Variants in ATP6V0D2 observed in about 807,000 individuals in gnomAD.
The protein encoded by ATP6V0D2 is ATPase H+ transporting V0 subunit d2.
A neutral mutation model predicts 40.0 loss-of-function variants in ATP6V0D2; 40 were observed. The ratio of observed to expected loss-of-function variants is 1.00; its 90% confidence interval spans 0.78 to 1.30. ATP6V0D2 has a LOEUF of 1.30. Among genes scored for constraint, ATP6V0D2 ranks in the 50% most tolerant of loss-of-function variants. ATP6V0D2 has a pLI of 0.00. For synonymous variants in ATP6V0D2, 179 were observed against 156.3 expected (o/e 1.15, Z -1.08); for missense variants, 470 against 423.1 (o/e 1.11, Z -0.97).
At chr8:86,101,462 GAAAAA>G (rs59915079) in intron 1 of ATP6V0D2, among the ~76,000 whole-genome samples, 922 of 78,182 alleles carry the variant, frequency 0.012, 11 homozygotes, top group African/African-American at 0.038. Context: ...CCTGTCTCAG[GAAAAA>G]AAAAAAAAAA....
At chr8:86,145,233 A>AAGAAAGAGAG (rs1554589869) in intron 5 of ATP6V0D2, among the ~76,000 whole-genome samples, 14 of 38,472 alleles carry the variant, frequency 3.6e-4, no homozygotes, top group Admixed American at 1.6e-3. Flanking sequence ...GAAAGAAAGA[A>AAGAAAGAGAG]AGAGAGAGAG....
intron 2 of ATP6V0D2, among the ~76,000 whole-genome samples, chr8:86,137,361 C>G (rs1190098346): frequency 6.6e-6 from 1 of 152,184 alleles, no homozygotes. Context: ...CTTCCCCCAT[C>G]TAGTCATCCC....
At chr8:86,146,204 T>C (rs1819066104) in intron 5 of ATP6V0D2, among the ~76,000 whole-genome samples, 1 of 152,198 alleles carries the variant, frequency 6.6e-6, no homozygotes, top group Non-Finnish European at 1.5e-5. Flanking sequence ...AAGAATTACA[T>C]CTTTGAATAG....
intron 1 of ATP6V0D2, among the ~76,000 whole-genome samples, chr8:86,106,538 C>A (rs754472442): frequency 6.6e-6 from 1 of 152,184 alleles, no homozygotes; most frequent in African/African-American, 2.4e-5. Flanking sequence ...TAACAATACA[C>A]CCCTGCACTG....
intron 4 of ATP6V0D2, 133 bp from the exon 5 acceptor site, chr8:86,142,744 T>C (rs1016724279): frequency 1.9e-6 from 1 of 527,406 alleles, no homozygotes; most frequent in Non-Finnish European, 3.2e-6. Context: ...AAATTTATTA[T>C]AAAATATCTT....
Position 86,107,452 on chromosome 8 carries a change from A to G in ATP6V0D2, c.131-6257A>G, listed in dbSNP as rs1253625999. Among the ~76,000 whole-genome samples, 5 of 152,320 alleles carry G rather than the reference A, an allele frequency of 3.3e-5. No individual in the cohort carries two copies. The South Asian group carries it at 1.0e-3, about 32-fold the overall frequency. On this transcript the variant is annotated intron_variant, in intron 1 of 7. Coordinates refer to ENST00000285393, the MANE Select transcript of ATP6V0D2 (RefSeq NM_152565.1). ...TGAATGAGGACAAGAGTCAGGTATG[A>G]TTCTCAGTTAACTACTTGCCAGCGT...
In ATP6V0D2 at chr8:86,098,935, C is replaced by T; in HGVS notation, c.-44C>T. 1 of 1,604,056 alleles carries T rather than the reference C, an allele frequency of 6.2e-7. No homozygotes were observed. The highest frequency in any genetic ancestry group is 8.5e-7 in the Non-Finnish European group (1 of 1,175,578). On this transcript the variant is annotated 5_prime_UTR_variant, in exon 1 of 8. Coordinates refer to ENST00000285393, the MANE Select transcript of ATP6V0D2 (RefSeq NM_152565.1). ...GCAAATCTTCAGGGGCCGTCCAGGACTACAGAGCTGTTTCACCCTACCTTG... is the reference window on the plus strand; with the variant it reads ...GCAAATCTTCAGGGGCCGTCCAGGATTACAGAGCTGTTTCACCCTACCTTG...
intron 2 of ATP6V0D2, among the ~76,000 whole-genome samples, chr8:86,119,304 C>T: frequency 7.0e-6 from 1 of 141,878 alleles, no homozygotes; most frequent in South Asian, 2.2e-4. Context: ...TCTCGGCTTA[C>T]TGCAAGCTCC....
At position 86,099,007 on chromosome 8, in the gene ATP6V0D2, A is replaced by G. The variant is rs757214740; in HGVS notation, c.29A>G (p.Asn10Ser). 4 of 1,614,130 alleles carry G rather than the reference A, an allele frequency of 2.5e-6. No homozygotes were observed. Among genetic ancestry groups the G allele is most frequent in the Non-Finnish European group, 3.4e-6 (4 of 1,180,020 alleles). ...CTCGAAGGTGCGGAGCTGTACTTCAACGTGGACCATGGCTACCTGGAGGGC... is the reference window on the plus strand; with the variant it reads ...CTCGAAGGTGCGGAGCTGTACTTCAGCGTGGACCATGGCTACCTGGAGGGC... MLEGAELYF[N>S]VDHGYLEGLV... is the part of the protein sequence containing the mutation. Residue 10 changes from asparagine (N) to serine (S), a missense_variant, in exon 1 of 8, where the codon AAC becomes AGC. Physicochemically the swap from Asn to Ser is conservative, Grantham distance 46. Transcript: ENST00000285393.
intron 2 of ATP6V0D2, among the ~76,000 whole-genome samples, chr8:86,115,438 G>A (rs1262102702): frequency 7.7e-6 from 1 of 129,580 alleles, no homozygotes; most frequent in African/African-American, 2.9e-5. Flanking sequence ...GCGTGATCTC[G>A]GCTCACTGCA....
chr8:86,149,117 T>G, intron 5 of ATP6V0D2, among the ~76,000 whole-genome samples: 2 of 134,842 alleles, frequency 1.5e-5, no homozygotes, highest in African/African-American at 2.9e-5. Flanking sequence ...GATTTTAGAG[T>G]GTAGTGGGGA....
chr8:86,150,050 A>C (rs763201900), intron 5 of ATP6V0D2, 62 bp from the exon 6 acceptor site: 2 of 1,457,992 alleles, frequency 1.4e-6, no homozygotes, highest in Non-Finnish European at 1.9e-6. Context: ...TGTGCACTTA[A>C]GAGTCTGTTT....
chr8:86,142,708 C>T (rs1203844152), intron 4 of ATP6V0D2, among the ~76,000 whole-genome samples, 169 bp from the exon 5 acceptor site: 2 of 152,174 alleles, frequency 1.3e-5, no homozygotes, highest in African/African-American at 2.4e-5. Context: ...GACTGTGCAA[C>T]ATGCTGCAAT....
At chr8:86,138,085 A>G (rs1044981412) in intron 2 of ATP6V0D2, among the ~76,000 whole-genome samples, 1 of 152,146 alleles carries the variant, frequency 6.6e-6, no homozygotes, top group Non-Finnish European at 1.5e-5. Flanking sequence ...TCGGGGCCCA[A>G]CATGCTCAGC....
intron 2 of ATP6V0D2, among the ~76,000 whole-genome samples, chr8:86,134,561 G>A (rs1055696939): frequency 6.6e-6 from 1 of 152,090 alleles, no homozygotes; most frequent in African/African-American, 2.4e-5. Flanking sequence ...AAGAAGTAAA[G>A]TTTTTAAAAC....
At chr8:86,118,374 G>A (rs1028309400) in intron 2 of ATP6V0D2, among the ~76,000 whole-genome samples, 1 of 151,760 alleles carries the variant, frequency 6.6e-6, no homozygotes, top group East Asian at 1.9e-4. Context: ...GCGCCTGTCC[G>A]CAGAGTATTT....
At position 86,113,399 on chromosome 8, in the gene ATP6V0D2, G is replaced by A. The variant is rs73257335; in HGVS notation, c.131-310G>A. ...TGGGAGGCTGAAGCAGGAAAATTGC[G>A]CGAACCCAAGAGGCAGAGGTTGCCG... On this transcript the variant is annotated intron_variant, in intron 1 of 7. Transcript: ENST00000285393. 0.02 allele frequency among the ~76,000 whole-genome samples: 2,984 copies of A among 152,204 alleles called. 100 individuals are homozygous for A. The highest frequency in any genetic ancestry group is 0.068 in the African/African-American group (2,818 of 41,532).
intron 2 of ATP6V0D2, among the ~76,000 whole-genome samples, chr8:86,125,871 A>C (rs914620211): frequency 6.6e-6 from 1 of 150,838 alleles, no homozygotes; most frequent in Admixed American, 6.6e-5. Flanking sequence ...TTTTTGCATA[A>C]ATATATAAAG....
chr8:86,124,592 C>A (rs1818715309), intron 2 of ATP6V0D2, among the ~76,000 whole-genome samples: 1 of 152,084 alleles, frequency 6.6e-6, no homozygotes. Flanking sequence ...TACAATATAC[C>A]AACTGTAGGA....
Sources: gnomAD v4.1 joint callset for allele counts (sites outside exome capture counted in the v4.1 genomes callset) on GRCh38, gnomAD v4.1.1 for gene constraint, MANE v1.5 for transcripts, NCBI Gene and HGNC (gene_info 2026-07-23, HGNC 2026-07-21) for gene names.